The following IKZF4 variants were observed in gnomAD, a reference collection of about 807,000 sequenced individuals.
IKZF4 encodes zinc finger protein Eos.
IKZF4 carries 11 observed loss-of-function variants against 47.7 expected under a neutral mutation model. That is an observed-to-expected ratio of 0.23 (90% CI 0.15 to 0.38). IKZF4 has a LOEUF of 0.38. Among genes scored for constraint, IKZF4 ranks in the 10% least tolerant of loss-of-function variants. The pLI, the probability that IKZF4 is intolerant of heterozygous loss-of-function variation, is 1.00. For synonymous variants in IKZF4, 298 were observed against 299.4 expected (o/e 1.00, Z 0.05); for missense variants, 557 against 784.9 (o/e 0.71, Z 3.47).
intron 1 of IKZF4, among the ~76,000 whole-genome samples, chr12:56,008,662 T>C (rs991574114): frequency 2.9e-5 from 4 of 137,282 alleles, no homozygotes; most frequent in African/African-American, 1.0e-4. Context: ...CGAACTCTGC[T>C]TCCAGGAAAT....
intron 2 of IKZF4, chr12:56,011,533 T>C (rs1462035464): frequency 1.3e-5 from 2 of 152,192 alleles, no homozygotes; most frequent in Admixed American, 6.5e-5. Flanking sequence ...TGTTTTCAGC[T>C]CTTACCCCTT....
chr12:56,018,144 A>T (rs1460777752), upstream of IKZF4: 2 of 1,289,226 alleles, frequency 1.6e-6, no homozygotes, highest in Non-Finnish European at 2.0e-6. Context: ...TAAAATGGAC[A>T]TAGAAGACTG....
rs1022539148 is a variant in IKZF4, at chr12:56,038,111, GA to G, written c.*2786del. ...AATCAGAAGTTATGAAGAACAAAAA[GA>G]AAAAATAAACACAGAAGCAAGTGCA... On this transcript the variant is annotated 3_prime_UTR_variant, in exon 8 of 8. Transcript: ENST00000547167. 1.3e-5 allele frequency: 2 copies of G among 150,710 alleles called. No homozygotes were observed. The highest frequency in any genetic ancestry group is 3.0e-5 in the Non-Finnish European group (2 of 67,656). The allele number at this position is 150,710 out of a possible 1,614,324, so 9.3% of individuals were successfully genotyped here.
chr12:56,018,343 T>G (rs1358614509), upstream of IKZF4, among the ~76,000 whole-genome samples: 1 of 152,174 alleles, frequency 6.6e-6, no homozygotes, highest in Non-Finnish European at 1.5e-5. Context: ...TTTGGTGATC[T>G]TACATTCCCT....
intron 3 of IKZF4, 53 bp downstream of exon 3, chr12:56,025,211 G>A: frequency 8.1e-6 from 12 of 1,473,750 alleles, no homozygotes; most frequent in Non-Finnish European, 1.1e-5. Context: ...TGTTGCATTT[G>A]GCCTTCAATT....
At chr12:56,033,638 C>T (rs866926728) in intron 7 of IKZF4, among the ~76,000 whole-genome samples, 47 of 152,130 alleles carry the variant, frequency 3.1e-4, no homozygotes, top group Middle Eastern at 3.4e-3. Context: ...ACCTGGGAGG[C>T]GGAGCTTGCA....
chr12:56,026,763 C>A lies in IKZF4; in HGVS notation c.287-18C>A. 1 of 1,509,680 alleles carries A rather than the reference C, an allele frequency of 6.6e-7. No individual in the cohort carries two copies. The allele number at this position is 1,509,680 out of a possible 1,614,324, so 93.5% of individuals were successfully genotyped here. On this transcript the variant is annotated intron_variant, in intron 3 of 7. Coordinates refer to ENST00000547167, the MANE Select transcript of IKZF4 (RefSeq NM_022465.4). ...CCCCTTTGCCTCTCTCTATTCTAAACACCATCCCACCCCTCAGCCAACTCC... is the reference window on the plus strand; with the variant it reads ...CCCCTTTGCCTCTCTCTATTCTAAAAACCATCCCACCCCTCAGCCAACTCC...
Position 56,022,839 on chromosome 12 carries a change from G to A in IKZF4, c.88-832G>A, listed in dbSNP as rs562364473. Among the ~76,000 whole-genome samples, 388 of 135,924 alleles carry A rather than the reference G, an allele frequency of 2.9e-3. 4 individuals carry two copies. Among genetic ancestry groups the A allele is most frequent in the African/African-American group, 1.0e-2 (356 of 35,730 alleles). The allele number at this position is 135,924 out of a possible 152,430, so 89.2% of individuals were successfully genotyped here. Reference sequence around the variant, plus strand: ...TTTTGAGACGGAGTCTCGCTCTGTCGCCCAGGCTGGAGTGCAGTGGCGCGA... The same window carrying A: ...TTTTGAGACGGAGTCTCGCTCTGTCACCCAGGCTGGAGTGCAGTGGCGCGA... On this transcript the variant is annotated intron_variant, in intron 1 of 7. Coordinates refer to ENST00000547167, the MANE Select transcript of IKZF4 (RefSeq NM_022465.4).
rs1200506151 is a variant in IKZF4, at chr12:56,030,244, C to T, written c.715+2297C>T. On this transcript the variant is annotated intron_variant, in intron 5 of 7. Coordinates refer to ENST00000547167, the MANE Select transcript of IKZF4 (RefSeq NM_022465.4). The stretch of plus-strand genomic sequence containing the variant: ...CAGCCAGAGCAACATAGTGAGACTT[C>T]GTCTCTACTACAAAAACAAAAACAA... Among the ~76,000 whole-genome samples, 4 of 150,408 alleles carry T rather than the reference C, an allele frequency of 2.7e-5. No homozygotes were observed. In the East Asian group the frequency reaches 7.9e-4, roughly 30 times the overall value.
intron 5 of IKZF4, among the ~76,000 whole-genome samples, chr12:56,029,304 T>C (rs1054161738): frequency 1.1e-4 from 17 of 152,212 alleles, no homozygotes; most frequent in African/African-American, 3.6e-4. Context: ...TCAGTATCTG[T>C]CTGAATCAGC....
chr12:56,021,191 T>C lies in IKZF4; in HGVS notation c.-303T>C. ...GGAAAAGGGATGCTGTAGCCTAGCA[T>C]CTCCCCCACTATATACACATATACA... On this transcript the variant is annotated 5_prime_UTR_variant, in exon 1 of 8. Transcript: ENST00000547167. 7.7e-7 allele frequency: 1 copy of C among 1,304,920 alleles called. No individual in the cohort carries two copies. The highest frequency in any genetic ancestry group is 9.7e-7 in the Non-Finnish European group (1 of 1,026,954). The allele number at this position is 1,304,920 out of a possible 1,614,324, so 80.8% of individuals were successfully genotyped here.
chr12:56,023,788 A>G (rs575618467), intron 2 of IKZF4, 24 bp downstream of exon 2: 7 of 1,609,738 alleles, frequency 4.3e-6, no homozygotes, highest in East Asian at 2.2e-5. Context: ...TAGCTGGGCA[A>G]TTGGGTAAAG....
chr12:56,034,803 T>G lies in IKZF4; in HGVS notation c.1230T>G (p.Pro410=). ...SSVYTQMQPL[P]GRLELPGSRE... ...TCTACACCCAGATGCAGCCCCTCCC[T>G]GGTCGACTGGAGCTTCCAGGATCCC... The change falls in exon 8 of 8, where the codon CCT becomes CCG. Residue 410 remains proline (P), a synonymous_variant. Transcript: ENST00000547167. The G allele has an allele frequency of 6.2e-7, 1 of 1,613,978 alleles. No homozygotes were observed. Among genetic ancestry groups the G allele is most frequent in the South Asian group, 1.1e-5 (1 of 91,078 alleles).
rs1895164713 is a variant in IKZF4 at position 56,033,316 on chromosome 12, T to G, written c.992T>G (p.Phe331Cys). Residue 331 changes from phenylalanine (F) to cysteine (C), a missense_variant, in exon 7 of 8, where the codon TTT (phenylalanine) becomes TGT (cysteine). Phe to Cys is a radical substitution (Grantham distance 205). Around this residue, in one of 6 missense-constraint regions of IKZF4, gnomAD observed 280 missense variants for 314.0 expected, o/e 0.89. Coordinates refer to ENST00000547167, the MANE Select transcript of IKZF4 (RefSeq NM_022465.4). Reference protein sequence around the residue: ...TKRKRSTPQKFVGEKQMRFSL... With the variant: ...TKRKRSTPQKCVGEKQMRFSL... ...CGCAAGCGTTCCACACCCCAGAAGTTTGTAGGTAAGAATCCAGTTGGAAAG... is the reference window on the plus strand; with the variant it reads ...CGCAAGCGTTCCACACCCCAGAAGTGTGTAGGTAAGAATCCAGTTGGAAAG... The G allele has an allele frequency of 6.2e-7, 1 of 1,613,702 alleles. No homozygotes were observed. The highest frequency in any genetic ancestry group is 1.3e-5 in the African/African-American group (1 of 74,886).
In IKZF4 at chr12:56,027,051, C is replaced by G; in HGVS notation, c.547+10C>G. ...AAGCGCAGTCACACTGGTAAGTAAGCCAGAGGGGCTCTGGGAGGAGCTCCC... is the reference window on the plus strand; with the variant it reads ...AAGCGCAGTCACACTGGTAAGTAAGGCAGAGGGGCTCTGGGAGGAGCTCCC... On this transcript the variant is annotated intron_variant, in intron 4 of 7. Transcript: ENST00000547167. 6.7e-7 allele frequency: 1 copy of G among 1,497,062 alleles called. No individual in the cohort carries two copies. The highest frequency in any genetic ancestry group is 1.4e-5 in the South Asian group (1 of 73,174). The allele number at this position is 1,497,062 out of a possible 1,614,324, so 92.7% of individuals were successfully genotyped here. A position where few individuals can be genotyped will look rare whatever the true frequency, so the allele number is the denominator to read the frequency against.
Position 56,009,603 on chromosome 12 carries a change from G to A in IKZF4, c.-291-1814G>A, listed in dbSNP as rs1009370722. On this transcript the variant is annotated intron_variant, in intron 1 of 11. Transcript: ENST00000262032. ...AAAAGAAGAAAATAGCTTTACCATT[G>A]GGAAGCAAGAGAAGTTTCACTGGAG... Among the ~76,000 whole-genome samples, 4 of 152,308 alleles carry A rather than the reference G, an allele frequency of 2.6e-5. No homozygotes were observed. In the South Asian group the frequency reaches 6.2e-4, roughly 24 times the overall value.
intron 6 of IKZF4, 57 bp from the exon 7 acceptor site, chr12:56,033,133 G>A: frequency 6.3e-7 from 1 of 1,594,990 alleles, no homozygotes; most frequent in Non-Finnish European, 8.6e-7. Flanking sequence ...CAAAGGCTGT[G>A]GGGCCAATGC....
chr12:56,020,403 C>T (rs553441723), upstream of IKZF4, among the ~76,000 whole-genome samples: 32 of 152,338 alleles, frequency 2.1e-4, no homozygotes, highest in East Asian at 4.0e-3. Flanking sequence ...GTTGCTGAAA[C>T]CCAGCTCCTG....
intron 2 of IKZF4, among the ~76,000 whole-genome samples, chr12:56,013,264 C>G (rs781726775): frequency 6.6e-6 from 1 of 152,062 alleles, no homozygotes; most frequent in Non-Finnish European, 1.5e-5. Context: ...GGCGTGATCT[C>G]GGCTCACTCC....
Sources: gnomAD v4.1 joint callset for allele counts (sites outside exome capture counted in the v4.1 genomes callset) on GRCh38, gnomAD v4.1.1 for gene constraint, gnomAD v4.1.1 regional missense constraint, MANE v1.5 for transcripts, NCBI Gene and HGNC (gene_info 2026-07-23, HGNC 2026-07-21) for gene names.